SRBD1: variants seen among roughly 807,000 people sequenced by gnomAD.
SRBD1 encodes the protein S1 RNA binding domain 1.
Under a neutral mutation model 115.3 loss-of-function variants are expected in SRBD1, and 88 were observed. That is an observed-to-expected ratio of 0.76 (90% CI 0.64 to 0.91). SRBD1 has a LOEUF of 0.91. Ranked by LOEUF, SRBD1 falls within the 40% of genes least tolerant of loss-of-function variation. SRBD1 has a pLI of 0.00. For missense variants in SRBD1, 1,385 were observed against 1,177.4 expected (o/e 1.18, Z -2.58); for synonymous variants, 509 against 407.7 (o/e 1.25, Z -2.99).
intron 14 of SRBD1, among the ~76,000 whole-genome samples, chr2:45,544,011 A>G (rs1463995801): frequency 6.6e-6 from 1 of 152,154 alleles, no homozygotes. Context: ...TATATTCATA[A>G]AAGTGCAAAG....
chr2:45,498,513 T>C (rs11687860), intron 14 of SRBD1, among the ~76,000 whole-genome samples: 100,871 of 152,006 alleles, frequency 0.66, 34,039 homozygotes, highest in Non-Finnish European at 0.7. Flanking sequence ...GTGGGATATC[T>C]GTCACCTCAA....
intron 14 of SRBD1, among the ~76,000 whole-genome samples, chr2:45,537,305 A>G (rs1370443569): frequency 1.3e-5 from 2 of 152,198 alleles, no homozygotes; most frequent in African/African-American, 4.8e-5. Context: ...TCTTGTCACT[A>G]TCGCCTTACC....
intron 14 of SRBD1, among the ~76,000 whole-genome samples, chr2:45,515,664 C>T (rs1052675027): frequency 3.1e-4 from 47 of 152,140 alleles, no homozygotes; most frequent in African/African-American, 1.1e-3. Context: ...CAACCCCTAA[C>T]TGATCACTAT....
At chr2:45,534,547 G>C (rs1671709608) in intron 14 of SRBD1, among the ~76,000 whole-genome samples, 1 of 151,866 alleles carries the variant, frequency 6.6e-6, no homozygotes, top group Non-Finnish European at 1.5e-5. Flanking sequence ...CTGGATATTA[G>C]TTTTAATATC....
Position 45,408,735 on chromosome 2 carries a change from G to A in SRBD1, c.2513+4379C>T, listed in dbSNP as rs145558377. Among the ~76,000 whole-genome samples the A allele has an allele frequency of 5.3e-3, 812 of 152,112 alleles. 3 individuals carry two copies. Among genetic ancestry groups the A allele is most frequent in the African/African-American group, 0.012 (480 of 41,474 alleles). The stretch of plus-strand genomic sequence containing the variant: ...TCTACTTCTAGGAATCCATCATAAC[G>A]AACCACTATTAGCACTACTATAACT... On this transcript the variant is annotated intron_variant, in intron 19 of 20. Transcript: ENST00000263736.
chr2:45,561,716 T>C (rs1672670219), intron 10 of SRBD1, among the ~76,000 whole-genome samples: 1 of 152,214 alleles, frequency 6.6e-6, no homozygotes. Context: ...AATTACACTC[T>C]GAAAAATTAA....
intron 18 of SRBD1, among the ~76,000 whole-genome samples, chr2:45,414,449 T>C (rs1470668679): frequency 1.3e-5 from 2 of 149,854 alleles, no homozygotes; most frequent in Admixed American, 6.7e-5. Flanking sequence ...ATATAGTATA[T>C]ATGTAGTATG....
chr2:45,519,053 A>G (rs1277678654), intron 14 of SRBD1, among the ~76,000 whole-genome samples: 1 of 152,118 alleles, frequency 6.6e-6, no homozygotes, highest in African/African-American at 2.4e-5. Flanking sequence ...GGTAGGTAAG[A>G]CAAAAAGCTG....
intron 15 of SRBD1, among the ~76,000 whole-genome samples, chr2:45,481,731 A>T (rs1669972379): frequency 6.6e-6 from 1 of 152,144 alleles, no homozygotes; most frequent in African/African-American, 2.4e-5. Flanking sequence ...TCAACTGATG[A>T]CTAAACAAAA....
At chr2:45,469,939 A>C (rs1669597402) in intron 16 of SRBD1, among the ~76,000 whole-genome samples, 1 of 152,192 alleles carries the variant, frequency 6.6e-6, no homozygotes, top group Non-Finnish European at 1.5e-5. Context: ...TGTGTAAATA[A>C]TGTCTCAGTT....
At chr2:45,414,867 CACACAATATAGTGTGTATATAGTATGT>C (rs1667756648) in intron 18 of SRBD1, among the ~76,000 whole-genome samples, 2 of 138,560 alleles carry the variant, frequency 1.4e-5, no homozygotes, top group African/African-American at 5.8e-5. Flanking sequence ...ATAGTATGTA[CACACAATATAGTGTGTATATAGTATGT>C]ACACACACAT....
chr2:45,442,850 C>T (rs1363504010), intron 16 of SRBD1, among the ~76,000 whole-genome samples: 1 of 152,136 alleles, frequency 6.6e-6, no homozygotes, highest in Non-Finnish European at 1.5e-5. Context: ...TTACATGCCA[C>T]CCTTTTATAA....
intron 16 of SRBD1, among the ~76,000 whole-genome samples, chr2:45,452,673 C>T (rs553903469): frequency 6.6e-6 from 1 of 151,912 alleles, no homozygotes; most frequent in East Asian, 1.9e-4. Context: ...TCACCTAGTA[C>T]TATAGCATTC....
At chr2:45,596,694 C>T (rs1274073801) in intron 4 of SRBD1, among the ~76,000 whole-genome samples, 1 of 151,910 alleles carries the variant, frequency 6.6e-6, no homozygotes, top group African/African-American at 2.4e-5. Flanking sequence ...AGTACAGAGC[C>T]GAGCTCATAA....
At chr2:45,512,833 C>T (rs1671009434) in intron 14 of SRBD1, among the ~76,000 whole-genome samples, 2 of 151,920 alleles carry the variant, frequency 1.3e-5, no homozygotes, top group Non-Finnish European at 2.9e-5. Context: ...TTTCTTTATG[C>T]CTGTATTATT....
At chr2:45,410,208 C>T (rs994675821) in intron 19 of SRBD1, among the ~76,000 whole-genome samples, 3 of 152,262 alleles carry the variant, frequency 2.0e-5, no homozygotes, top group East Asian at 1.9e-4. Flanking sequence ...TTTCCACACA[C>T]ATTAGAATGG....
intron 2 of SRBD1, among the ~76,000 whole-genome samples, chr2:45,604,167 C>T (rs1365908400): frequency 2.6e-5 from 4 of 151,886 alleles, no homozygotes; most frequent in Non-Finnish European, 4.4e-5. Flanking sequence ...CAGTTTTGCC[C>T]GCTATAGTCT....
chr2:45,406,791 A>T (rs1313407533), intron 19 of SRBD1, among the ~76,000 whole-genome samples: 1 of 152,172 alleles, frequency 6.6e-6, no homozygotes, highest in Non-Finnish European at 1.5e-5. Context: ...GGACAGGGTA[A>T]TGTTTCCTTG....
At chr2:45,456,980 T>C (rs1164923561) in intron 16 of SRBD1, among the ~76,000 whole-genome samples, 4 of 151,976 alleles carry the variant, frequency 2.6e-5, no homozygotes, top group Non-Finnish European at 1.5e-5. Context: ...TGTATATATT[T>C]ATGAAGCCGA....
Sources: gnomAD v4.1 joint callset for allele counts (sites outside exome capture counted in the v4.1 genomes callset) on GRCh38, gnomAD v4.1.1 for gene constraint, MANE v1.5 for transcripts, NCBI Gene and HGNC (gene_info 2026-07-23, HGNC 2026-07-21) for gene names.